Variants in NEDD4L observed in about 807,000 individuals in gnomAD.
The protein encoded by NEDD4L is E3 ubiquitin-protein ligase NEDD4-like.
NEDD4L carries 54 observed loss-of-function variants against 148.9 expected under a neutral mutation model. That is an observed-to-expected ratio of 0.36 (90% CI 0.29 to 0.45). NEDD4L has a LOEUF of 0.45. NEDD4L is among the 20% of genes least tolerant of loss of function. The pLI is 1.00. For missense variants in NEDD4L, 856 were observed against 1,233.8 expected (o/e 0.69, Z 4.59); for synonymous variants, 433 against 440.7 (o/e 0.98, Z 0.22).
At chr18:58,357,718 A>G (rs1251935007) in intron 19 of NEDD4L, among the ~76,000 whole-genome samples, 2 of 152,292 alleles carry the variant, frequency 1.3e-5, no homozygotes, top group African/African-American at 4.8e-5. Flanking sequence ...CAGAGTTAAG[A>G]GTTTGGAACT....
At chr18:58,325,297 CCT>C (rs1423909686) in intron 9 of NEDD4L, 135 bp downstream of exon 9, 3 of 1,031,714 alleles carry the variant, frequency 2.9e-6, no homozygotes, top group Non-Finnish European at 2.8e-6. Context: ...GTACGAGATT[CCT>C]CTCCATTTAC....
intron 2 of NEDD4L, among the ~76,000 whole-genome samples, chr18:58,221,313 G>T (rs1172466221): frequency 1.3e-5 from 2 of 152,172 alleles, no homozygotes; most frequent in Non-Finnish European, 2.9e-5. Context: ...AAAACCTCAT[G>T]ACCTCTGTTA....
intron 2 of NEDD4L, among the ~76,000 whole-genome samples, chr18:58,197,014 C>G (rs897202041): frequency 6.6e-6 from 1 of 152,058 alleles, no homozygotes; most frequent in African/African-American, 2.4e-5. Context: ...TCTTCAAAAC[C>G]GTGGCGGTCG....
intron 1 of NEDD4L, among the ~76,000 whole-genome samples, chr18:58,140,149 C>T (rs2033332456): frequency 6.6e-6 from 1 of 152,096 alleles, no homozygotes; most frequent in South Asian, 2.1e-4. Context: ...TATACCTAGT[C>T]CCAGAGGGCC....
intron 2 of NEDD4L, among the ~76,000 whole-genome samples, chr18:58,240,187 G>C (rs2046468740): frequency 6.6e-6 from 1 of 150,644 alleles, no homozygotes; most frequent in South Asian, 2.1e-4. Context: ...TTTTTTTTCA[G>C]ATGTAATCTT....
chr18:58,046,410 G>A lies in NEDD4L; in HGVS notation c.48+1702G>A, dbSNP rs201384571. 1.4e-4 allele frequency: 5 copies of A among 35,268 alleles called. No homozygotes were observed. The South Asian group carries it at 0.01, about 72-fold the overall frequency. The allele number at this position is 35,268 out of a possible 1,614,324, so 2.2% of individuals were successfully genotyped here. ...TGCTTGGGTTGACGTATTGTGGGGG[G>A]TGGGGGTGAGGACAGCTGCATTTCA... On this transcript the variant is annotated intron_variant, in intron 1 of 30. Transcript: ENST00000400345.
At chr18:58,231,817 G>A (rs534211947) in intron 2 of NEDD4L, among the ~76,000 whole-genome samples, 16 of 152,252 alleles carry the variant, frequency 1.1e-4, no homozygotes, top group African/African-American at 3.9e-4. Context: ...ACTTGCCTTG[G>A]CCTCCCAAGG....
chr18:58,149,577 T>C (rs1305381737), intron 1 of NEDD4L: 2 of 1,512,312 alleles, frequency 1.3e-6, no homozygotes, highest in East Asian at 4.9e-5. Context: ...TCGGTAAGAC[T>C]TTGCTTGGTG....
At chr18:58,328,926 T>C (rs2059551751) in intron 9 of NEDD4L, 69 bp from the exon 10 acceptor site, 1 of 1,586,022 alleles carries the variant, frequency 6.3e-7, no homozygotes, top group Non-Finnish European at 8.6e-7. Context: ...CCGTGAGCAT[T>C]GAACTGTCAT....
At chr18:58,158,915 T>TGA (rs148653059) in intron 1 of NEDD4L, among the ~76,000 whole-genome samples, 2 of 151,886 alleles carry the variant, frequency 1.3e-5, no homozygotes, top group Non-Finnish European at 1.5e-5. Context: ...TGTAAGCTCC[T>TGA]GAGAGAGAGA....
intron 25 of NEDD4L, among the ~76,000 whole-genome samples, chr18:58,385,162 A>G (rs975163797): frequency 6.6e-6 from 1 of 152,220 alleles, no homozygotes; most frequent in Non-Finnish European, 1.5e-5. Context: ...TTATACATGT[A>G]TACCTGTGTG....
chr18:58,326,812 T>C (rs764690352), intron 9 of NEDD4L, among the ~76,000 whole-genome samples: 5 of 152,332 alleles, frequency 3.3e-5, no homozygotes, highest in Middle Eastern at 3.4e-3. Flanking sequence ...ATAGGGATAA[T>C]TGCTACTTTC....
chr18:58,207,850 T>C (rs1052759136), intron 2 of NEDD4L, among the ~76,000 whole-genome samples: 3 of 152,206 alleles, frequency 2.0e-5, no homozygotes, highest in Admixed American at 2.0e-4. Flanking sequence ...GGGAGGTATA[T>C]TGAGACCAGC....
intron 1 of NEDD4L, among the ~76,000 whole-genome samples, chr18:58,065,186 T>C (rs1389754563): frequency 6.6e-6 from 1 of 152,264 alleles, no homozygotes; most frequent in Non-Finnish European, 1.5e-5. Flanking sequence ...AGTTTGGTAC[T>C]GAAAATTGCT....
At chr18:58,311,318 C>T (rs921601873) in intron 5 of NEDD4L, among the ~76,000 whole-genome samples, 6 of 152,192 alleles carry the variant, frequency 3.9e-5, no homozygotes, top group Admixed American at 3.9e-4. Context: ...TAACTCACAA[C>T]TTAAAAAATA....
chr18:58,255,372 T>G, intron 5 of NEDD4L: 3 of 444,710 alleles, frequency 6.7e-6, no homozygotes, highest in Non-Finnish European at 6.9e-6. Flanking sequence ...GAAGCTGGCA[T>G]TGGAGGGGGA....
chr18:58,335,897 A>G, intron 13 of NEDD4L: 1 of 236,374 alleles, frequency 4.2e-6, no homozygotes, highest in Non-Finnish European at 8.5e-6. Flanking sequence ...TCATCAAAGA[A>G]GCCACAGGAA....
intron 24 of NEDD4L, among the ~76,000 whole-genome samples, chr18:58,375,042 C>T (rs924154266): frequency 2.6e-5 from 4 of 152,272 alleles, no homozygotes; most frequent in South Asian, 4.2e-4. Flanking sequence ...CCAGCCCCCA[C>T]ATCGGTTATG....
At chr18:58,382,994 T>C (rs370694400) in intron 24 of NEDD4L, among the ~76,000 whole-genome samples, 17 of 152,350 alleles carry the variant, frequency 1.1e-4, no homozygotes, top group African/African-American at 3.6e-4. Flanking sequence ...TCTTCATTAT[T>C]GCTAATATAT....
Sources: allele counts gnomAD v4.1 joint callset (sites outside exome capture counted in the v4.1 genomes callset), GRCh38; gene constraint gnomAD v4.1.1; transcripts MANE v1.5; gene names NCBI Gene and HGNC (gene_info 2026-07-23, HGNC 2026-07-21).